Variants in CNNM4 observed in about 807,000 individuals in gnomAD.
The protein encoded by CNNM4 is metal transporter CNNM4.
In CNNM4, 32 loss-of-function variants were observed where a neutral mutation model predicts 53.7. That is an observed-to-expected ratio of 0.60 (90% CI 0.45 to 0.80). The LOEUF is 0.80. CNNM4 is among the 30% of genes least tolerant of loss of function. The probability of loss-of-function intolerance (pLI) is 0.00; values close to 1 mark genes in which losing one functional copy is unlikely to be tolerated. For missense variants in CNNM4, 784 were observed against 1,022.0 expected (o/e 0.77, Z 3.17); for synonymous variants, 410 against 440.0 (o/e 0.93, Z 0.85).
At chr2:96,799,367 C>T (rs1364484734) in intron 4 of CNNM4, 141 bp downstream of exon 4, 12 of 1,266,838 alleles carry the variant, frequency 9.5e-6, no homozygotes, top group Admixed American at 1.8e-5. Flanking sequence ...CCCGCCTGCC[C>T]CACGTGGCCA....
At position 96,798,942 on chromosome 2, in the gene CNNM4, G is replaced by A. The variant is rs375561886; in HGVS notation, c.1682-115G>A. On this transcript the variant is annotated intron_variant, in intron 3 of 6. Transcript: ENST00000377075. ...AGAACGAGGGCCGGCCGAGCAGGGC[G>A]GGAGTCGTCTGAGCACAGCGTGGCT... is the stretch of plus-strand genomic sequence containing the variant. 529 of 1,041,132 alleles carry A rather than the reference G, an allele frequency of 5.1e-4. 9 individuals are homozygous for A. In the South Asian group the frequency reaches 5.9e-3, roughly 12 times the overall value. 64.5% of individuals were successfully genotyped at this position (1,041,132 alleles called of 1,614,324 possible).
chr2:96,768,415 G>A (rs1015525976), intron 1 of CNNM4, among the ~76,000 whole-genome samples: 1 of 152,186 alleles, frequency 6.6e-6, no homozygotes, highest in African/African-American at 2.4e-5. Flanking sequence ...AGAGAGACAC[G>A]TGAACAACGC....
At chr2:96,790,003 A>ATTT (rs1014369887) in intron 1 of CNNM4, among the ~76,000 whole-genome samples, 3 of 61,724 alleles carry the variant, frequency 4.9e-5, no homozygotes, top group African/African-American at 6.5e-5. Flanking sequence ...CCGGGCTAGA[A>ATTT]TTTTTTTTTT....
At position 96,809,523 on chromosome 2, in the gene CNNM4, G is replaced by A. The variant is rs764778181; in HGVS notation, c.*6G>A. The A allele has an allele frequency of 2.5e-6, 4 of 1,614,056 alleles. No homozygotes were observed. The South Asian group carries it at 4.4e-5, about 18-fold the overall frequency. On this transcript the variant is annotated 3_prime_UTR_variant, in exon 7 of 7. Transcript: ENST00000377075. ...CCCACGAGAATGCCATCTGACAGGA[G>A]GGCCCGGGGCCCCCTGCCCACCCTG...
chr2:96,809,550 G>T lies in CNNM4; in HGVS notation c.*33G>T. The T allele has an allele frequency of 6.2e-7, 1 of 1,602,872 alleles. No homozygotes were observed. On this transcript the variant is annotated 3_prime_UTR_variant, in exon 7 of 7. Transcript: ENST00000377075. ...GCCCGGGGCCCCCTGCCCACCCTGCGGGGGCCTCCCCAGTGGGCCCACATG... is the reference window on the plus strand; with the variant it reads ...GCCCGGGGCCCCCTGCCCACCCTGCTGGGGCCTCCCCAGTGGGCCCACATG...
At chr2:96,775,053 A>G (rs1010289378) in intron 1 of CNNM4, among the ~76,000 whole-genome samples, 1 of 146,860 alleles carries the variant, frequency 6.8e-6, no homozygotes, top group African/African-American at 2.5e-5. Flanking sequence ...TAAAAAATGT[A>G]CTGTCAGTTT....
chr2:96,788,272 G>GAA (rs2079031278), intron 1 of CNNM4, among the ~76,000 whole-genome samples: 1 of 140,728 alleles, frequency 7.1e-6, no homozygotes, highest in African/African-American at 2.7e-5. Flanking sequence ...TTTTTTTTCT[G>GAA]GAGACAGGGT....
At chr2:96,789,108 G>T (rs1485334273) in intron 1 of CNNM4, among the ~76,000 whole-genome samples, 2 of 152,174 alleles carry the variant, frequency 1.3e-5, no homozygotes, top group African/African-American at 4.8e-5. Flanking sequence ...GGCATAGTGG[G>T]AGGGGTTGGG....
chr2:96,762,872 G>A (rs1303581036), intron 1 of CNNM4, among the ~76,000 whole-genome samples: 3 of 152,148 alleles, frequency 2.0e-5, no homozygotes, highest in East Asian at 1.9e-4. Flanking sequence ...GAACCGGAGT[G>A]GAGAAGCAAA....
rs200110847 is a variant in CNNM4, at chr2:96,799,602, C to A, written c.1902C>A (p.Gly634=). 40 of 1,554,442 alleles carry A rather than the reference C, an allele frequency of 2.6e-5. No homozygotes were observed. The highest frequency in any genetic ancestry group is 3.3e-5 in the Non-Finnish European group (38 of 1,148,472). ...AGKENMKFET[G]AFSYYGTMAL... is the part of the protein sequence containing the mutation. ...AGGAGAACATGAAGTTTGAGACGGGCGCCTTCTCCTACTATGGGACTATGG... is the reference window on the plus strand; with the variant it reads ...AGGAGAACATGAAGTTTGAGACGGGAGCCTTCTCCTACTATGGGACTATGG... Residue 634 remains glycine, a synonymous_variant, in exon 5 of 7, where the codon GGC becomes GGA. Coordinates refer to ENST00000377075, the MANE Select transcript of CNNM4 (RefSeq NM_020184.4).
chr2:96,799,417 G>T, intron 4 of CNNM4, 135 bp from the exon 5 acceptor site: 1 of 1,100,012 alleles, frequency 9.1e-7, no homozygotes, highest in Non-Finnish European at 1.4e-6. Context: ...CACAGGTCAG[G>T]CCCCTGAGCT....
chr2:96,799,698 G>A (rs1261241147), intron 5 of CNNM4, 50 bp downstream of exon 5: 1 of 1,419,770 alleles, frequency 7.0e-7, no homozygotes. Flanking sequence ...CCTGCAGCTG[G>A]GGAGCCATGG....
Position 96,761,464 on chromosome 2 carries a change from G to C in CNNM4, c.465G>C (p.Gln155His), listed in dbSNP as rs778656128. The C allele has an allele frequency of 1.2e-6, 2 of 1,614,150 alleles. No homozygotes were observed. The highest frequency in any genetic ancestry group is 1.7e-6 in the Non-Finnish European group (2 of 1,180,022). Residue 155 changes from glutamine (Q) to histidine (H), a missense_variant, in exon 1 of 7, where the codon CAG (glutamine) becomes CAC (histidine). By Grantham distance (24) the Gln-to-His change is conservative. This residue lies in a region of CNNM4 where 473 missense variants were observed against 624.6 expected (regional missense o/e 0.76). Coordinates refer to ENST00000377075, the MANE Select transcript of CNNM4 (RefSeq NM_020184.4). The surrounding 1 kb of genome is among the most constrained non-coding windows in gnomAD (Gnocchi z 6.0). ...MKLYALCTRA[Q>H]PDGPWLKWTD... ...TGTATGCACTGTGCACCCGGGCCCAGCCCGACGGGCCCTGGCTGAAGTGGA... is the reference window on the plus strand; with the variant it reads ...TGTATGCACTGTGCACCCGGGCCCACCCCGACGGGCCCTGGCTGAAGTGGA...
At chr2:96,807,848 T>G (rs1360362498) in intron 5 of CNNM4, among the ~76,000 whole-genome samples, 1 of 152,162 alleles carries the variant, frequency 6.6e-6, no homozygotes, top group Non-Finnish European at 1.5e-5. Flanking sequence ...AGTATGCAGT[T>G]TATGTCACTT....
At chr2:96,779,019 C>T (rs1250402779) in intron 1 of CNNM4, among the ~76,000 whole-genome samples, 2 of 151,880 alleles carry the variant, frequency 1.3e-5, no homozygotes, top group African/African-American at 2.4e-5. Flanking sequence ...TGCAGTGGCG[C>T]GATTTTGGCT....
chr2:96,765,087 A>G (rs2078803828), intron 1 of CNNM4, among the ~76,000 whole-genome samples: 1 of 113,844 alleles, frequency 8.8e-6, no homozygotes, highest in African/African-American at 3.5e-5. Flanking sequence ...ACAAGTGAGC[A>G]AAGTTAGAAC....
chr2:96,765,181 TAA>T (rs2078805276), intron 1 of CNNM4, among the ~76,000 whole-genome samples: 2 of 149,218 alleles, frequency 1.3e-5, no homozygotes, highest in Non-Finnish European at 3.0e-5. Context: ...GGCTGGAGTG[TAA>T]TGGCACAATC....
chr2:96,790,836 C>T (rs1369277562), intron 1 of CNNM4, among the ~76,000 whole-genome samples: 2 of 151,128 alleles, frequency 1.3e-5, no homozygotes, highest in African/African-American at 4.9e-5. Context: ...ATACAAAAAT[C>T]CAGCTGGGCA....
Position 96,761,299 on chromosome 2 carries a change from G to C in CNNM4, c.300G>C (p.Glu100Asp). The C allele has an allele frequency of 6.2e-7, 1 of 1,613,964 alleles. No individual in the cohort carries two copies. The change falls in exon 1 of 7, where the codon GAG (glutamate) becomes GAC (aspartate). Residue 100 changes from glutamate to aspartate, a missense_variant. Glu to Asp is a conservative substitution (Grantham distance 45). This residue lies in a region of CNNM4 where 473 missense variants were observed against 624.6 expected (regional missense o/e 0.76). Transcript: ENST00000377075. This position sits in a 1 kb window ranked among gnomAD's most constrained non-coding sequence, Gnocchi z 6.0. Reference protein sequence around the residue: ...LISFTEVDDAETLHKSTSCLE... With the variant: ...LISFTEVDDADTLHKSTSCLE... ...CCTTCACCGAGGTGGACGATGCCGA[G>C]ACCCTCCACAAGTCCACCAGCTGCC... is the stretch of plus-strand genomic sequence containing the variant.
Sources: allele counts gnomAD v4.1 joint callset (sites outside exome capture counted in the v4.1 genomes callset), GRCh38; gene constraint gnomAD v4.1.1; regional missense constraint gnomAD v4.1.1; non-coding constraint Gnocchi (gnomAD v3.1); transcripts MANE v1.5; gene names NCBI Gene and HGNC (gene_info 2026-07-23, HGNC 2026-07-21).